Variants in ADGRG5 observed in about 807,000 individuals in gnomAD.
ADGRG5 encodes the protein adhesion G protein-coupled receptor G5, also known as G protein-coupled receptor 114.
ADGRG5 carries 37 observed loss-of-function variants against 53.2 expected under a neutral mutation model. That is an observed-to-expected ratio of 0.70 (90% CI 0.53 to 0.91). The LOEUF is 0.91. ADGRG5 is among the 40% of genes least tolerant of loss of function. The pLI is 0.00. For synonymous variants in ADGRG5, 277 were observed against 290.4 expected, an observed-to-expected ratio of 0.95 and a Z score of 0.47; for missense variants, 614 against 675.8, an observed-to-expected ratio of 0.91 and a Z score of 1.01.
chr16:57,574,766 C>T lies in ADGRG5; in HGVS notation c.1209-49C>T, dbSNP rs746532499. On this transcript the variant is annotated intron_variant, in intron 10 of 11. Transcript: ENST00000349457. This position sits in a 1 kb window ranked among gnomAD's most constrained non-coding sequence, Gnocchi z 4.4. Reference sequence around the variant, plus strand: ...CTTCAGGGAGTGATGCTGGCCTCCCCGCGGGCCTGGGAGCCACTGTGAGCC... The same window carrying T: ...CTTCAGGGAGTGATGCTGGCCTCCCTGCGGGCCTGGGAGCCACTGTGAGCC... 1.8e-5 allele frequency: 27 copies of T among 1,518,890 alleles called. No homozygotes were observed. The highest frequency in any genetic ancestry group is 4.1e-5 in the African/African-American group (3 of 72,764). The allele number at this position is 1,518,890 out of a possible 1,614,324, so 94.1% of individuals were successfully genotyped here.
chr16:57,568,553 T>C (rs2033215259), intron 9 of ADGRG5, among the ~76,000 whole-genome samples: 1 of 143,504 alleles, frequency 7.0e-6, no homozygotes, highest in Admixed American at 6.9e-5. Context: ...TTCACCACCA[T>C]GATCACCTCC....
At chr16:57,531,097 C>G in the ADGRG5 span, among the ~76,000 whole-genome samples, 1 of 152,024 alleles carries the variant, frequency 6.6e-6, no homozygotes, top group Admixed American at 6.5e-5. Flanking sequence ...CCTGCCCGAG[C>G]CATCTCGCTA....
intron 10 of ADGRG5, 92 bp downstream of exon 10, chr16:57,570,627 G>A: frequency 3.2e-6 from 3 of 933,050 alleles, no homozygotes; most frequent in South Asian, 2.7e-5. Context: ...TGTAGGCAAA[G>A]CACTGGCTGT....
rs905218880 is a variant in ADGRG5 at position 57,574,448 on chromosome 16, C to G, written c.1209-367C>G. Among the ~76,000 whole-genome samples, 1 of 152,184 alleles carries G rather than the reference C, an allele frequency of 6.6e-6. No homozygotes were observed. Among genetic ancestry groups the G allele is most frequent in the East Asian group, 1.9e-4 (1 of 5,196 alleles). ...GGGAAGTTTCCAGGAAAGAGGGCTC[C>G]GGGCCAAGGATCCAATAGAAGATGG... On this transcript the variant is annotated intron_variant, in intron 10 of 11. Transcript: ENST00000349457. The surrounding 1 kb of genome is among the most constrained non-coding windows in gnomAD (Gnocchi z 4.4).
chr16:57,537,410 C>G, the ADGRG5 span, among the ~76,000 whole-genome samples: 3 of 152,106 alleles, frequency 2.0e-5, no homozygotes, highest in Non-Finnish European at 2.9e-5. Context: ...CTAAATATTA[C>G]GAAGATAAAT....
At chr16:57,567,412 G>A (rs1225000724) in intron 7 of ADGRG5, 58 bp from the exon 8 acceptor site, 1 of 1,585,950 alleles carries the variant, frequency 6.3e-7, no homozygotes, top group Non-Finnish European at 8.5e-7. Context: ...CTCTGACTGA[G>A]GCTGGGAGGA....
intron 1 of ADGRG5, among the ~76,000 whole-genome samples, chr16:57,547,564 C>T (rs1452686620): frequency 6.6e-6 from 1 of 152,124 alleles, no homozygotes; most frequent in Admixed American, 6.5e-5. Flanking sequence ...CCTGCCTCAG[C>T]CTCCTGAGTA....
intron 7 of ADGRG5, 39 bp downstream of exon 7, chr16:57,566,790 G>A: frequency 2.2e-6 from 3 of 1,393,574 alleles, no homozygotes; most frequent in Non-Finnish European, 1.9e-6. Context: ...AGCTACAGAG[G>A]GCCCTGTGTC....
At chr16:57,555,873 G>A (rs2032871022) in intron 1 of ADGRG5, among the ~76,000 whole-genome samples, 1 of 152,146 alleles carries the variant, frequency 6.6e-6, no homozygotes, top group Non-Finnish European at 1.5e-5. Flanking sequence ...TGGATCATGG[G>A]GACAGATTTC....
At chr16:57,550,098 T>C (rs1390846948) in intron 1 of ADGRG5, among the ~76,000 whole-genome samples, 1 of 152,166 alleles carries the variant, frequency 6.6e-6, no homozygotes, top group Non-Finnish European at 1.5e-5. Flanking sequence ...TGCCTTAGAC[T>C]CTTGAGCAGC....
chr16:57,531,393 C>T, the ADGRG5 span, among the ~76,000 whole-genome samples: 4 of 152,076 alleles, frequency 2.6e-5, no homozygotes, highest in Admixed American at 2.0e-4. Context: ...ATCTGCTGTG[C>T]ATCCGCCTTC....
chr16:57,558,779 A>T (rs2032936539), intron 1 of ADGRG5, among the ~76,000 whole-genome samples: 1 of 150,918 alleles, frequency 6.6e-6, no homozygotes, highest in Non-Finnish European at 1.5e-5. Flanking sequence ...TCTGTTTTAT[A>T]TCAGTGCAAA....
At chr16:57,557,063 C>A (rs2032900951) in intron 1 of ADGRG5, among the ~76,000 whole-genome samples, 2 of 151,952 alleles carry the variant, frequency 1.3e-5, no homozygotes, top group Non-Finnish European at 2.9e-5. Flanking sequence ...GTGCATGCCA[C>A]CATGCCTGAC....
In ADGRG5 at chr16:57,567,458, T is replaced by C. The variant is rs749747229; in HGVS notation, c.700-12T>C. Reference sequence around the variant, plus strand: ...TATGCTTCTGGCCTCCAGCCCCTCTTCCCTCCTGCAGCAACTCTCCCCAGC... The same window carrying C: ...TATGCTTCTGGCCTCCAGCCCCTCTCCCCTCCTGCAGCAACTCTCCCCAGC... On this transcript the variant is annotated splice_polypyrimidine_tract_variant and intron_variant, in intron 7 of 11. Transcript: ENST00000349457. 6.2e-7 allele frequency: 1 copy of C among 1,605,620 alleles called. No homozygotes were observed. The highest frequency in any genetic ancestry group is 8.5e-7 in the Non-Finnish European group (1 of 1,179,608).
rs1198209033 is a variant in ADGRG5, at chr16:57,567,888, T to C, written c.854T>C (p.Met285Thr). Reference protein sequence around the residue: ...KQSDSLTRIHMNLHASVLLLN... With the variant: ...KQSDSLTRIHTNLHASVLLLN... ...AGTGACTCCTTAACACGCATCCACA[T>C]GAACCTGCATGCCTCCGTGCTGCTC... is the stretch of plus-strand genomic sequence containing the variant. Residue 285 changes from methionine (M) to threonine (T), a missense_variant, in exon 9 of 12, where the codon ATG becomes ACG. Transcript: ENST00000349457. The C allele has an allele frequency of 6.2e-7, 1 of 1,612,686 alleles. No individual in the cohort carries two copies. Among genetic ancestry groups the C allele is most frequent in the Non-Finnish European group, 8.5e-7 (1 of 1,179,854 alleles).
chr16:57,571,451 C>A (rs562449902), intron 10 of ADGRG5, among the ~76,000 whole-genome samples: 2 of 152,196 alleles, frequency 1.3e-5, no homozygotes, highest in East Asian at 3.9e-4. Context: ...CGGGGGACTG[C>A]GTGCTACATA....
intron 5 of ADGRG5, among the ~76,000 whole-genome samples, chr16:57,564,712 G>A (rs2033087083): frequency 6.6e-6 from 1 of 152,158 alleles, no homozygotes; most frequent in South Asian, 2.1e-4. Context: ...GTCCAGGGGA[G>A]TTTCTGGGGA....
the ADGRG5 span, among the ~76,000 whole-genome samples, chr16:57,535,250 C>T: frequency 7.8e-3 from 1,192 of 152,218 alleles, 7 homozygotes; most frequent in Middle Eastern, 0.014. Flanking sequence ...AGCTGGCTGG[C>T]GGGAAAGGAA....
chr16:57,550,545 A>G (rs1301402656), intron 1 of ADGRG5, among the ~76,000 whole-genome samples: 1 of 152,194 alleles, frequency 6.6e-6, no homozygotes, highest in Non-Finnish European at 1.5e-5. Flanking sequence ...GCCATGGATC[A>G]CGTTTTTGGT....
Sources: gnomAD v4.1 joint callset for allele counts (sites outside exome capture counted in the v4.1 genomes callset) on GRCh38, gnomAD v4.1.1 for gene constraint, Gnocchi (gnomAD v3.1) non-coding constraint, MANE v1.5 for transcripts, NCBI Gene and HGNC (gene_info 2026-07-23, HGNC 2026-07-21) for gene names.